TTC1: variants seen among roughly 807,000 people sequenced by gnomAD.
TTC1 encodes the protein tetratricopeptide repeat domain 1.
A neutral mutation model predicts 37.6 loss-of-function variants in TTC1; 31 were observed. That is an observed-to-expected ratio of 0.82 (90% CI 0.62 to 1.11). The LOEUF is 1.11. Ranked by LOEUF, TTC1 falls within the 50% of genes most tolerant of loss-of-function variation. TTC1 has a pLI of 0.00. For missense variants in TTC1, 351 were observed against 339.0 expected (o/e 1.04, Z -0.28); for synonymous variants, 127 against 122.4 (o/e 1.04, Z -0.25).
chr5:160,038,345 G>T (rs1340756190), intron 4 of TTC1, among the ~76,000 whole-genome samples: 1 of 152,084 alleles, frequency 6.6e-6, no homozygotes, highest in Non-Finnish European at 1.5e-5. Context: ...TCTCCCTTTT[G>T]CCACATTTTT....
rs189332409 is a variant in TTC1, at chr5:160,019,860, A to G, written c.330+9002A>G. ...CTCCCAAAGTTCTGGGATTATAGGC[A>G]TGAGCCACTGTGCCCTGCCTCCTGC... On this transcript the variant is annotated intron_variant, in intron 2 of 7. Coordinates refer to ENST00000231238, the MANE Select transcript of TTC1 (RefSeq NM_003314.3). Among the ~76,000 whole-genome samples the G allele has an allele frequency of 2.0e-5, 3 of 151,856 alleles. No homozygotes were observed. The East Asian group carries it at 5.8e-4, about 29-fold the overall frequency.
At position 160,043,354 on chromosome 5, in the gene TTC1, C is replaced by G. The variant is rs138321047; in HGVS notation, c.541+185C>G. On this transcript the variant is annotated intron_variant, in intron 5 of 7. Transcript: ENST00000231238. Reference sequence around the variant, plus strand: ...ACTGCTTTTGAATGGATAGTTCAATCAGTTTCTCCTCTACTGGTAAATACA... The same window carrying G: ...ACTGCTTTTGAATGGATAGTTCAATGAGTTTCTCCTCTACTGGTAAATACA... Among the ~76,000 whole-genome samples, 238 of 152,300 alleles carry G rather than the reference C, an allele frequency of 1.6e-3. 3 individuals carry two copies. The highest frequency in any genetic ancestry group is 5.5e-3 in the African/African-American group (230 of 41,578).
intron 4 of TTC1, among the ~76,000 whole-genome samples, chr5:160,037,884 G>T (rs529480131): frequency 6.6e-5 from 10 of 152,058 alleles, no homozygotes; most frequent in South Asian, 4.1e-4. Flanking sequence ...CCATGATGCT[G>T]GCTCAAGATT....
chr5:160,059,917 G>A (rs1366939676), intron 7 of TTC1, among the ~76,000 whole-genome samples: 1 of 152,216 alleles, frequency 6.6e-6, no homozygotes, highest in Non-Finnish European at 1.5e-5. Flanking sequence ...CTCAATGCAG[G>A]ATTACCACAC....
intron 4 of TTC1, 89 bp downstream of exon 4, chr5:160,036,892 G>T (rs1415727941): frequency 3.4e-6 from 3 of 876,426 alleles, no homozygotes; most frequent in Non-Finnish European, 5.4e-6. Context: ...TAGCATAGAG[G>T]TTGCTGCCTC....
At chr5:160,030,628 G>A (rs1309694119) in intron 2 of TTC1, among the ~76,000 whole-genome samples, 5 of 152,178 alleles carry the variant, frequency 3.3e-5, no homozygotes, top group Non-Finnish European at 7.3e-5. Context: ...TTCATCAAGA[G>A]CATTGGCTGT....
chr5:160,064,901 ATTCAT>A, intron 7 of TTC1, 26 bp from the exon 8 acceptor site: 1 of 1,601,530 alleles, frequency 6.2e-7, no homozygotes, highest in South Asian at 1.1e-5. Context: ...TCATTCCTGT[ATTCAT>A]TTGAGTTTTT....
At chr5:160,042,266 GC>G (rs771043498) in intron 4 of TTC1, among the ~76,000 whole-genome samples, 3 of 152,194 alleles carry the variant, frequency 2.0e-5, no homozygotes, top group Non-Finnish European at 4.4e-5. Context: ...AAACAGTTTG[GC>G]TGTCACTGCT....
intron 2 of TTC1, among the ~76,000 whole-genome samples, chr5:160,019,127 T>C (rs1212539963): frequency 6.6e-6 from 1 of 152,246 alleles, no homozygotes; most frequent in African/African-American, 2.4e-5. Context: ...TCCCTTTCAC[T>C]AGTGGTTTGC....
intron 7 of TTC1, among the ~76,000 whole-genome samples, chr5:160,054,441 C>A (rs1002534749): frequency 1.3e-5 from 2 of 152,068 alleles, no homozygotes; most frequent in Non-Finnish European, 2.9e-5. Flanking sequence ...TGGCAAGACC[C>A]CCATCTCTGC....
At chr5:160,025,544 C>G (rs1349321001) in intron 2 of TTC1, among the ~76,000 whole-genome samples, 1 of 152,172 alleles carries the variant, frequency 6.6e-6, no homozygotes, top group Non-Finnish European at 1.5e-5. Context: ...CAGTGTCATC[C>G]CCTTTTCAAA....
At chr5:160,042,333 T>C (rs1581105812) in intron 4 of TTC1, among the ~76,000 whole-genome samples, 1 of 152,366 alleles carries the variant, frequency 6.6e-6, no homozygotes, top group South Asian at 2.1e-4. Context: ...GTGAGAATAT[T>C]GAACACTTAT....
chr5:160,010,836 A>T lies in TTC1; in HGVS notation c.308A>T (p.Asn103Ile). ...DEEYLIELEK[N>I]MSDEEKQKRR... is the part of the protein sequence containing the mutation. ...GAATACCTAATAGAACTGGAAAAAA[A>T]CATGTCGGATGAAGAGAAACAGGTA... The change falls in exon 2 of 8, where the codon AAC becomes ATC. Residue 103 changes from asparagine to isoleucine, a missense_variant. Coordinates refer to ENST00000231238, the MANE Select transcript of TTC1 (RefSeq NM_003314.3). 6.2e-7 allele frequency: 1 copy of T among 1,612,536 alleles called. No homozygotes were observed. The highest frequency in any genetic ancestry group is 8.5e-7 in the Non-Finnish European group (1 of 1,178,926).
intron 2 of TTC1, among the ~76,000 whole-genome samples, chr5:160,021,484 T>C (rs976706534): frequency 6.6e-6 from 1 of 152,198 alleles, no homozygotes; most frequent in Non-Finnish European, 1.5e-5. Flanking sequence ...TTTTGGGAAA[T>C]AGAATTTTCT....
At chr5:160,023,949 C>G in intron 2 of TTC1, 1 of 1,567,906 alleles carries the variant, frequency 6.4e-7, no homozygotes, top group Non-Finnish European at 8.8e-7. Context: ...TCCTCTTCCT[C>G]ATCAGGTATC....
At chr5:160,054,798 G>A (rs959373845) in intron 7 of TTC1, among the ~76,000 whole-genome samples, 2 of 152,156 alleles carry the variant, frequency 1.3e-5, no homozygotes, top group East Asian at 3.9e-4. Context: ...GTATATCTAA[G>A]CCTTTATGGG....
intron 2 of TTC1, among the ~76,000 whole-genome samples, chr5:160,016,683 T>C (rs1160949621): frequency 6.6e-6 from 1 of 152,158 alleles, no homozygotes; most frequent in Non-Finnish European, 1.5e-5. Context: ...TTTAAGAATA[T>C]AAATAAATAA....
intron 6 of TTC1, 150 bp from the exon 7 acceptor site, chr5:160,050,979 T>TG (rs1375112146): frequency 1.1e-5 from 6 of 561,128 alleles, no homozygotes; most frequent in South Asian, 7.2e-5. Flanking sequence ...TACTTGGGGT[T>TG]TTTTTTTTTT....
chr5:160,061,642 A>G (rs1181323538), intron 7 of TTC1, among the ~76,000 whole-genome samples: 1 of 151,908 alleles, frequency 6.6e-6, no homozygotes, highest in African/African-American at 2.4e-5. Context: ...TCATTTAGAA[A>G]GCAGAATTTC....
Sources: allele counts gnomAD v4.1 joint callset (sites outside exome capture counted in the v4.1 genomes callset), GRCh38; gene constraint gnomAD v4.1.1; transcripts MANE v1.5; gene names NCBI Gene and HGNC (gene_info 2026-07-23, HGNC 2026-07-21).